The following WNK1 variants were observed in gnomAD, a reference collection of about 807,000 sequenced individuals.
WNK1 encodes WNK lysine deficient protein kinase 1.
A neutral mutation model predicts 222.8 loss-of-function variants in WNK1; 38 were observed. That is an observed-to-expected ratio of 0.17 (90% CI 0.13 to 0.22). WNK1 has a LOEUF of 0.22. Ranked by LOEUF, WNK1 falls within the 10% of genes least tolerant of loss-of-function variation. The probability of loss-of-function intolerance (pLI) is 1.00; values close to 1 mark genes in which losing one functional copy is unlikely to be tolerated. For missense variants in WNK1, 2,348 were observed against 2,918.4 expected (o/e 0.80, Z 4.50); for synonymous variants, 1,090 against 1,092.9 (o/e 1.00, Z 0.05).
Position 753,645 on chromosome 12 carries a change from A to C in WNK1, c.80A>C (p.Asn27Thr). ...FLSPPAPAPK[N>T]GSSSDSSVGE... ...TCGCCGCCGGCTCCTGCCCCCAAGA[A>C]TGGCTCCAGCTCCGATTCCTCCGTG... Residue 27 changes from asparagine (N) to threonine (T), a missense_variant, in exon 1 of 28, where the codon AAT becomes ACT. By Grantham distance (65) the Asn-to-Thr change is moderately conservative. Transcript: ENST00000315939. This position sits in a 1 kb window ranked among gnomAD's most constrained non-coding sequence, Gnocchi z 5.2. The C allele has an allele frequency of 6.2e-7, 1 of 1,612,454 alleles. No individual in the cohort carries two copies. The highest frequency in any genetic ancestry group is 2.2e-5 in the East Asian group (1 of 44,832).
Position 890,472 on chromosome 12 carries a change from C to T in WNK1, c.5468C>T (p.Pro1823Leu), listed in dbSNP as rs17755373. 0.013 allele frequency: 20,865 copies of T among 1,614,040 alleles called. 253 individuals are homozygous for T. Among genetic ancestry groups the T allele is most frequent in the South Asian group, 0.048 (4,333 of 91,074 alleles). ...TTACAGCCTGTGTCCATGGCGGCTC[C>T]AACAGCAATCACAGAAGCAGGAACA... ...SAVGPVSMAA[P>L]TAITEAGTQP... Residue 1823 changes from proline to leucine, a missense_variant, in exon 22 of 28, where the codon CCA (proline) becomes CTA (leucine). Transcript: ENST00000315939.
intron 5 of WNK1, among the ~76,000 whole-genome samples, chr12:858,247 T>G (rs967807499): frequency 1.3e-5 from 2 of 151,884 alleles, no homozygotes; most frequent in Non-Finnish European, 2.9e-5. Flanking sequence ...TGGAGTACAG[T>G]GGCATAGTCT....
chr12:907,019 T>C (rs1395507388), intron 26 of WNK1, among the ~76,000 whole-genome samples: 1 of 2,158 alleles, frequency 4.6e-4, no homozygotes, highest in African/African-American at 6.6e-4. Context: ...AAGAGACCCT[T>C]CCTTTAAAAA....
Position 753,724 on chromosome 12 carries a change from G to T in WNK1, c.159G>T (p.Glu53Asp), listed in dbSNP as rs1939533647. ...AADAVTGRTE[E>D]YRRRRHTMDK... The stretch of plus-strand genomic sequence containing the variant: ...ACGCTGTGACCGGCAGGACCGAGGA[G>T]TACAGGCGCCGCCGCCACACTATGG... Residue 53 changes from glutamate to aspartate, a missense_variant, in exon 1 of 28, where the codon GAG becomes GAT. By Grantham distance (45) the Glu-to-Asp change is conservative. Coordinates refer to ENST00000315939, the MANE Select transcript of WNK1 (RefSeq NM_018979.4). This position sits in a 1 kb window ranked among gnomAD's most constrained non-coding sequence, Gnocchi z 5.2. The T allele has an allele frequency of 1.1e-5, 17 of 1,612,110 alleles. No homozygotes were observed. Among genetic ancestry groups the T allele is most frequent in the Non-Finnish European group, 1.4e-5 (16 of 1,179,804 alleles).
intron 9 of WNK1, among the ~76,000 whole-genome samples, chr12:873,583 G>T (rs558108258): frequency 6.6e-6 from 1 of 152,220 alleles, no homozygotes; most frequent in South Asian, 2.1e-4. Flanking sequence ...TTATAACCCA[G>T]AATTCAAGAT....
At position 908,707 on chromosome 12, in the gene WNK1, G is replaced by T; in HGVS notation, c.7064G>T (p.Gly2355Val). 6.2e-7 allele frequency: 1 copy of T among 1,614,176 alleles called. No individual in the cohort carries two copies. The highest frequency in any genetic ancestry group is 1.1e-5 in the South Asian group (1 of 91,088). The change falls in exon 28 of 28, where the codon GGA becomes GTA. Residue 2355 changes from glycine to valine, a missense_variant. By Grantham distance (109) the Gly-to-Val change is moderately radical. Coordinates refer to ENST00000315939, the MANE Select transcript of WNK1 (RefSeq NM_018979.4). ...PQPLGQFQPV[G>V]TASLQNFNIS... ...CCACTTGGCCAGTTCCAACCTGTGGGAACTGCCTCCTTGCAGAATTTCAAC... is the reference window on the plus strand; with the variant it reads ...CCACTTGGCCAGTTCCAACCTGTGGTAACTGCCTCCTTGCAGAATTTCAAC...
chr12:878,456 G>T, intron 10 of WNK1, 95 bp downstream of exon 10: 1 of 1,380,836 alleles, frequency 7.2e-7, no homozygotes. Flanking sequence ...CATGTGGATA[G>T]ACTTCTACCT....
At position 775,631 on chromosome 12, in the gene WNK1, G is replaced by A. The variant is rs76534231; in HGVS notation, c.759+21307G>A. Reference sequence around the variant, plus strand: ...TTCAAGGCTGCAGTGAGCTATGGTCGTGCCACTCTACTCTAGCCTGGGCAA... The same window carrying A: ...TTCAAGGCTGCAGTGAGCTATGGTCATGCCACTCTACTCTAGCCTGGGCAA... On this transcript the variant is annotated intron_variant, in intron 1 of 27. Transcript: ENST00000315939. Among the ~76,000 whole-genome samples the A allele has an allele frequency of 4.3e-3, 648 of 152,132 alleles. 5 individuals carry two copies. The highest frequency in any genetic ancestry group is 0.015 in the African/African-American group (607 of 41,516).
rs1423159618 is a variant in WNK1, at chr12:893,021, A to G, written c.5510-1541A>G. ...TCTAATCCCAGCACTTTGGGAGGCCAAAGCAGGTGGATTGCTTGAGCCCAG... is the reference window on the plus strand; with the variant it reads ...TCTAATCCCAGCACTTTGGGAGGCCGAAGCAGGTGGATTGCTTGAGCCCAG... On this transcript the variant is annotated intron_variant, in intron 22 of 27. Coordinates refer to ENST00000315939, the MANE Select transcript of WNK1 (RefSeq NM_018979.4). 3.9e-5 allele frequency among the ~76,000 whole-genome samples: 6 copies of G among 151,996 alleles called. No homozygotes were observed. In the East Asian group the frequency reaches 1.2e-3, roughly 29 times the overall value.
At chr12:906,691 G>A (rs528933312) in intron 26 of WNK1, 2 of 985,206 alleles carry the variant, frequency 2.0e-6, no homozygotes, top group Middle Eastern at 5.2e-4. Context: ...ATGGGTCCAG[G>A]TGAAAAACTT....
chr12:799,368 C>T (rs1427630608), intron 1 of WNK1, among the ~76,000 whole-genome samples: 1 of 151,482 alleles, frequency 6.6e-6, no homozygotes, highest in Non-Finnish European at 1.5e-5. Flanking sequence ...TGAGCTCAAG[C>T]AATCTGGCTG....
At position 908,327 on chromosome 12, in the gene WNK1, C is replaced by T. The variant is rs1295985549; in HGVS notation, c.6832-148C>T. The T allele has an allele frequency of 2.7e-5, 24 of 889,460 alleles. No individual in the cohort carries two copies. The South Asian group carries it at 3.2e-4, about 12-fold the overall frequency. The allele number at this position is 889,460 out of a possible 1,614,324, so 55.1% of individuals were successfully genotyped here. On this transcript the variant is annotated intron_variant, in intron 27 of 27. Transcript: ENST00000315939. ...TCCCTCTCATGAGGATTATTTTCAC[C>T]CTTACTTGGTAAATATAAAGAGCCA... is the stretch of plus-strand genomic sequence containing the variant.
rs1430587977 is a variant in WNK1 at position 908,820 on chromosome 12, G to C, written c.*28G>C. ...CTAGAGACATTAACTGAATAGATCT[G>C]GGGGCAGGAGATGGAATGCTGAGGG... On this transcript the variant is annotated 3_prime_UTR_variant, in exon 28 of 28. Coordinates refer to ENST00000315939, the MANE Select transcript of WNK1 (RefSeq NM_018979.4). 18 of 1,604,592 alleles carry C rather than the reference G, an allele frequency of 1.1e-5. No homozygotes were observed. Among genetic ancestry groups the C allele is most frequent in the Non-Finnish European group, 1.5e-5 (18 of 1,172,330 alleles).
intron 8 of WNK1, among the ~76,000 whole-genome samples, chr12:870,422 ATAT>A (rs1488486292): frequency 2.0e-5 from 3 of 152,230 alleles, no homozygotes; most frequent in African/African-American, 7.2e-5. Flanking sequence ...GTGGAATGTG[ATAT>A]TATATCCATG....
chr12:887,143 A>G (rs1414710698), intron 19 of WNK1, 78 bp from the exon 20 acceptor site: 3 of 1,235,576 alleles, frequency 2.4e-6, no homozygotes, highest in African/African-American at 1.5e-5. Context: ...GTGCATTCAA[A>G]TTAGTTGATT....
intron 9 of WNK1, among the ~76,000 whole-genome samples, chr12:877,299 A>T (rs1346468007): frequency 2.0e-5 from 3 of 152,152 alleles, no homozygotes; most frequent in Non-Finnish European, 4.4e-5. Context: ...TCTGGACCGC[A>T]GGTGATCTGC....
chr12:795,087 A>G (rs562812009), intron 1 of WNK1, among the ~76,000 whole-genome samples: 1 of 152,180 alleles, frequency 6.6e-6, no homozygotes, highest in South Asian at 2.1e-4. Flanking sequence ...TGATGTTTCT[A>G]TCTGGCATTG....
rs572842091 is a variant in WNK1 at position 771,286 on chromosome 12, T to C, written c.759+16962T>C. ...TGCTGGGATGACAGGTGTGAGCTAC[T>C]ATGCCCGGCGCTTTATATTCTTTAG... On this transcript the variant is annotated intron_variant, in intron 1 of 27. Transcript: ENST00000315939. Among the ~76,000 whole-genome samples, 54 of 152,250 alleles carry C rather than the reference T, an allele frequency of 3.5e-4. 1 individual carries two copies. Among genetic ancestry groups the C allele is most frequent in the African/African-American group, 1.2e-3 (50 of 41,558 alleles).
At position 908,969 on chromosome 12, in the gene WNK1, GCT is replaced by G; in HGVS notation, c.*179_*180del. The stretch of plus-strand genomic sequence containing the variant: ...GCCCTCAGAATGGAGAGTCTCCCCC[GCT>G]CCAGTTATTGGAATGGGAGAGGAAG... On this transcript the variant is annotated 3_prime_UTR_variant, in exon 28 of 28. Transcript: ENST00000315939. The G allele has an allele frequency of 1.4e-6, 1 of 722,074 alleles. No homozygotes were observed. Among genetic ancestry groups the G allele is most frequent in the South Asian group, 1.8e-5 (1 of 54,738 alleles). 44.7% of individuals were successfully genotyped at this position (722,074 alleles called of 1,614,324 possible).
Sources: allele counts gnomAD v4.1 joint callset (sites outside exome capture counted in the v4.1 genomes callset), GRCh38; gene constraint gnomAD v4.1.1; non-coding constraint Gnocchi (gnomAD v3.1); transcripts MANE v1.5; gene names NCBI Gene and HGNC (gene_info 2026-07-23, HGNC 2026-07-21).